The following BMS1 variants were observed in gnomAD, a reference collection of about 807,000 sequenced individuals.
BMS1 encodes BMS1 ribosome biogenesis factor, also known as ribosome biogenesis protein BMS1 homolog.
A neutral mutation model predicts 138.7 loss-of-function variants in BMS1; 53 were observed. The observed-to-expected ratio is 0.38, with a 90% CI of 0.31 to 0.48. BMS1 has a LOEUF of 0.48. BMS1 is among the 20% of genes least tolerant of loss of function. The pLI is 0.97. For synonymous variants in BMS1, 504 were observed against 539.9 expected (o/e 0.93, Z 0.92); for missense variants, 1,360 against 1,565.5 (o/e 0.87, Z 2.22).
intron 3 of BMS1, among the ~76,000 whole-genome samples, chr10:42,786,908 G>A (rs1841349794): frequency 6.6e-6 from 1 of 152,216 alleles, no homozygotes; most frequent in South Asian, 2.1e-4. Context: ...AGTCTGTGCA[G>A]TCAGAATTTT....
intron 21 of BMS1, among the ~76,000 whole-genome samples, chr10:42,827,813 G>C (rs1352269447): frequency 4.6e-5 from 7 of 152,028 alleles, no homozygotes; most frequent in Admixed American, 2.6e-4. Flanking sequence ...GGCTGTCTTT[G>C]TCAGGGGATG....
intron 13 of BMS1, among the ~76,000 whole-genome samples, chr10:42,803,395 T>A (rs570623326): frequency 1.4e-4 from 21 of 152,298 alleles, no homozygotes; most frequent in African/African-American, 4.6e-4. Context: ...CGCCTTAGCC[T>A]TCCAAAGTGC....
At chr10:42,792,422 C>G in intron 6 of BMS1, 71 bp from the exon 7 acceptor site, 1 of 1,568,816 alleles carries the variant, frequency 6.4e-7, no homozygotes, top group South Asian at 1.2e-5. Context: ...TGTGATGAAT[C>G]ATTGACACAT....
chr10:42,814,911 A>G (rs746540225), intron 13 of BMS1, among the ~76,000 whole-genome samples: 2 of 151,918 alleles, frequency 1.3e-5, no homozygotes, highest in Admixed American at 6.6e-5. Context: ...GTTGCCTTCT[A>G]TTGCTACGTT....
At chr10:42,825,581 A>C (rs1245360642) in intron 21 of BMS1, among the ~76,000 whole-genome samples, 1 of 151,902 alleles carries the variant, frequency 6.6e-6, no homozygotes, top group African/African-American at 2.4e-5. Context: ...TATTTTCTTG[A>C]TTTGTCACCT....
rs368740953 is a variant in BMS1 at position 42,791,586 on chromosome 10, T to C, written c.637-41T>C. The stretch of plus-strand genomic sequence containing the variant: ...TATTTTGTTGCAGTATTGATGATAA[T>C]TTAATTGAAATTTAATTTTTAATTT... On this transcript the variant is annotated intron_variant, in intron 5 of 22. Transcript: ENST00000374518. The C allele has an allele frequency of 1.4e-5, 21 of 1,552,890 alleles. No homozygotes were observed. In the African/African-American group the frequency reaches 2.8e-4, roughly 21 times the overall value.
In BMS1 at chr10:42,831,261, A is replaced by G; in HGVS notation, c.*165A>G. 2 of 724,956 alleles carry G rather than the reference A, an allele frequency of 2.8e-6. No individual in the cohort carries two copies. Among genetic ancestry groups the G allele is most frequent in the Non-Finnish European group, 4.5e-6 (2 of 444,256 alleles). 44.9% of individuals were successfully genotyped at this position (724,956 alleles called of 1,614,324 possible). ...GAACAGAGAAGCCTGGGCTGCTGGG[A>G]CTGGGTTCATTCTCATGACTTGGGG... On this transcript the variant is annotated 3_prime_UTR_variant, in exon 23 of 23. Transcript: ENST00000374518.
At position 42,793,832 on chromosome 10, in the gene BMS1, T is replaced by C. The variant is rs754594127; in HGVS notation, c.1090-20T>C. On this transcript the variant is annotated intron_variant, in intron 8 of 22. Transcript: ENST00000374518. ...ATCTTTGTGCTTTCCTCACGTGCCCTTTCTTGGTGGTCTTGACAGGATGAA... is the reference window on the plus strand; with the variant it reads ...ATCTTTGTGCTTTCCTCACGTGCCCCTTCTTGGTGGTCTTGACAGGATGAA... 7 of 1,598,958 alleles carry C rather than the reference T, an allele frequency of 4.4e-6. No homozygotes were observed. The Admixed American group carries it at 1.3e-4, about 29-fold the overall frequency.
At chr10:42,815,469 T>C (rs1425370043) in intron 13 of BMS1, among the ~76,000 whole-genome samples, 5 of 152,388 alleles carry the variant, frequency 3.3e-5, no homozygotes, top group African/African-American at 1.2e-4. Context: ...CTATCTATTA[T>C]AACTTCTACC....
intron 9 of BMS1, 116 bp downstream of exon 9, chr10:42,794,107 T>C: frequency 1.6e-6 from 2 of 1,244,384 alleles, no homozygotes; most frequent in East Asian, 5.1e-5. Context: ...TGTTTTGTTT[T>C]TCTTTGTGTG....
rs1842809731 is a variant in BMS1, at chr10:42,832,002, T to C, written c.*906T>C. 6.6e-6 allele frequency: 1 copy of C among 152,238 alleles called. No individual in the cohort carries two copies. The highest frequency in any genetic ancestry group is 1.5e-5 in the Non-Finnish European group (1 of 68,038). 9.4% of individuals were successfully genotyped at this position (152,238 alleles called of 1,614,324 possible). On this transcript the variant is annotated 3_prime_UTR_variant, in exon 23 of 23. Coordinates refer to ENST00000374518, the MANE Select transcript of BMS1 (RefSeq NM_014753.4). ...AGTTGTATATTTTGCCCAATTTCTC[T>C]CAGTGGTAATGTTTCACACATATAA...
At chr10:42,796,076 G>T (rs1042495714) in intron 9 of BMS1, among the ~76,000 whole-genome samples, 3 of 152,150 alleles carry the variant, frequency 2.0e-5, no homozygotes, top group Non-Finnish European at 4.4e-5. Context: ...GAGGATCCAG[G>T]CTCATTTTGC....
At position 42,792,499 on chromosome 10, in the gene BMS1, A is replaced by G. The variant is rs761379923; in HGVS notation, c.786A>G (p.Glu262=). 1 of 1,611,262 alleles carries G rather than the reference A, an allele frequency of 6.2e-7. No homozygotes were observed. Among genetic ancestry groups the G allele is most frequent in the South Asian group, 1.1e-5 (1 of 90,766 alleles). ...ATTGAATTTATTTTTCTAGGATGGAAGATTTGACAAACCCAGAGGATATCC... is the reference window on the plus strand; with the variant it reads ...ATTGAATTTATTTTTCTAGGATGGAGGATTTGACAAACCCAGAGGATATCC... ...SHPYILADRM[E]DLTNPEDIRT... is the part of the protein sequence containing the mutation. The change falls in exon 7 of 23, where the codon GAA becomes GAG. Residue 262 remains glutamate, a synonymous_variant. Coordinates refer to ENST00000374518, the MANE Select transcript of BMS1 (RefSeq NM_014753.4).
At chr10:42,786,999 A>C (rs1272427757) in intron 3 of BMS1, among the ~76,000 whole-genome samples, 169 bp from the exon 4 acceptor site, 3 of 152,178 alleles carry the variant, frequency 2.0e-5, no homozygotes, top group Non-Finnish European at 1.5e-5. Flanking sequence ...AACAGAATGG[A>C]ATTTATTTTA....
At position 42,831,784 on chromosome 10, in the gene BMS1, A is replaced by G. The variant is rs912329659; in HGVS notation, c.*688A>G. The G allele has an allele frequency of 6.6e-6, 1 of 152,318 alleles. No homozygotes were observed. Among genetic ancestry groups the G allele is most frequent in the East Asian group, 1.9e-4 (1 of 5,194 alleles). 9.4% of individuals were successfully genotyped at this position (152,318 alleles called of 1,614,324 possible). A position where few individuals can be genotyped will look rare whatever the true frequency, so the allele number is the denominator to read the frequency against. On this transcript the variant is annotated 3_prime_UTR_variant, in exon 23 of 23. Coordinates refer to ENST00000374518, the MANE Select transcript of BMS1 (RefSeq NM_014753.4). ...CAGGTGCAGAGACCAAGGAAATCGT[A>G]TGTATCAGTGAGATAGGCTTCCCGT...
chr10:42,784,716 G>A, intron 2 of BMS1, 146 bp downstream of exon 2: 1 of 954,392 alleles, frequency 1.0e-6, no homozygotes, highest in South Asian at 2.9e-5. Flanking sequence ...ACTAAAACGT[G>A]AGAAGCTTTT....
intron 13 of BMS1, among the ~76,000 whole-genome samples, chr10:42,805,268 C>G (rs1409289965): frequency 6.6e-6 from 1 of 152,128 alleles, no homozygotes; most frequent in African/African-American, 2.4e-5. Context: ...TTGAATTGCC[C>G]TGTATTGGTT....
rs1841512251 is a variant in BMS1 at position 42,791,763 on chromosome 10, C to T, written c.773C>T (p.Ala258Val). The T allele has an allele frequency of 6.3e-7, 1 of 1,599,418 alleles. No homozygotes were observed. Among genetic ancestry groups the T allele is most frequent in the East Asian group, 2.2e-5 (1 of 44,782 alleles). Reference sequence around the variant, plus strand: ...CAAACTTCTCACCCTTATATCCTGGCAGACAGGTAAAATATGATTTTAAGC... The same window carrying T: ...CAAACTTCTCACCCTTATATCCTGGTAGACAGGTAAAATATGATTTTAAGC... ...TWQTSHPYIL[A>V]DRMEDLTNPE... Residue 258 changes from alanine to valine, a missense_variant, in exon 6 of 23, where the codon GCA (alanine) becomes GTA (valine). Around this residue, in one of 3 missense-constraint regions of BMS1, gnomAD observed 697 missense variants for 686.2 expected, o/e 1.02. Transcript: ENST00000374518.
At chr10:42,793,367 C>T (rs1274783328) in intron 8 of BMS1, among the ~76,000 whole-genome samples, 1 of 151,764 alleles carries the variant, frequency 6.6e-6, no homozygotes, top group Non-Finnish European at 1.5e-5. Context: ...CTCCTTGATC[C>T]ATGGCCCCAG....
Sources: gnomAD v4.1 joint callset for allele counts (sites outside exome capture counted in the v4.1 genomes callset) on GRCh38, gnomAD v4.1.1 for gene constraint, gnomAD v4.1.1 regional missense constraint, MANE v1.5 for transcripts, NCBI Gene and HGNC (gene_info 2026-07-23, HGNC 2026-07-21) for gene names.